Variants in HPCAL1 observed in about 807,000 individuals in gnomAD.
HPCAL1 encodes the protein hippocalcin like 1.
Under a neutral mutation model 17.1 loss-of-function variants are expected in HPCAL1, and 8 were observed. That is an observed-to-expected ratio of 0.47 (90% CI 0.27 to 0.84). The LOEUF (loss-of-function observed/expected upper bound fraction) is 0.84. Among genes scored for constraint, HPCAL1 ranks in the 40% least tolerant of loss-of-function variants. The probability of loss-of-function intolerance (pLI) is 0.13; values close to 1 mark genes in which losing one functional copy is unlikely to be tolerated. For synonymous variants in HPCAL1, 112 were observed against 111.4 expected, an observed-to-expected ratio of 1.01 and a Z score of -0.03; for missense variants, 165 against 271.1, an observed-to-expected ratio of 0.61 and a Z score of 2.75.
intron 1 of HPCAL1, among the ~76,000 whole-genome samples, chr2:10,385,887 G>C (rs575489381): frequency 6.7e-6 from 1 of 149,472 alleles, no homozygotes; most frequent in East Asian, 2.4e-4. Flanking sequence ...CTGATTTGTC[G>C]GCCTCGTGTC....
chr2:10,305,677 A>G (rs181777805), intron 1 of HPCAL1, among the ~76,000 whole-genome samples: 1 of 152,364 alleles, frequency 6.6e-6, no homozygotes, highest in African/African-American at 2.4e-5. Flanking sequence ...AGATTTGCCC[A>G]AACTCCAGCC....
At chr2:10,315,000 G>T (rs543251539) in intron 1 of HPCAL1, among the ~76,000 whole-genome samples, 27 of 152,244 alleles carry the variant, frequency 1.8e-4, no homozygotes, top group Admixed American at 9.8e-4. Flanking sequence ...GCAAGATAAA[G>T]AATTATGCAG....
chr2:10,365,322 C>T lies in HPCAL1; in HGVS notation c.-110-31513C>T, dbSNP rs904128343. On this transcript the variant is annotated intron_variant, in intron 1 of 4. Coordinates refer to ENST00000307845, the MANE Select transcript of HPCAL1 (RefSeq NM_002149.4). The surrounding 1 kb of genome is among the most constrained non-coding windows in gnomAD (Gnocchi z 4.8). ...CTGTGCACCTGCCTCCAGGTGGTGG[C>T]GCGGTAATTGCAAGAGCGTGAGCCC... Among the ~76,000 whole-genome samples the T allele has an allele frequency of 5.9e-5, 9 of 152,130 alleles. No homozygotes were observed. Among genetic ancestry groups the T allele is most frequent in the South Asian group, 4.1e-4 (2 of 4,822 alleles).
At chr2:10,391,602 C>A (rs972554624) in intron 1 of HPCAL1, among the ~76,000 whole-genome samples, 1 of 152,204 alleles carries the variant, frequency 6.6e-6, no homozygotes, top group Non-Finnish European at 1.5e-5. Flanking sequence ...GTACCCTTTA[C>A]CTGCTAGCCC....
At position 10,316,857 on chromosome 2, in the gene HPCAL1, G is replaced by A. The variant is rs182996001; in HGVS notation, c.-111+13680G>A. Among the ~76,000 whole-genome samples the A allele has an allele frequency of 3.7e-4, 57 of 152,212 alleles. No individual in the cohort carries two copies. The East Asian group carries it at 0.011, about 29-fold the overall frequency. ...GTCTACTGTTCATATTTATGGTCTG[G>A]AGAAGAAAATGTAATTTTCAGCAAA... On this transcript the variant is annotated intron_variant, in intron 1 of 4. Transcript: ENST00000307845.
intron 2 of HPCAL1, among the ~76,000 whole-genome samples, chr2:10,399,664 G>A (rs866437681): frequency 5.3e-5 from 8 of 150,818 alleles, no homozygotes; most frequent in East Asian, 1.9e-4. Context: ...ACCATTGGCC[G>A]TGGATGTTGT....
rs996467459 is a variant in HPCAL1 at position 10,302,998 on chromosome 2, T to C, written c.-290T>C. On this transcript the variant is annotated 5_prime_UTR_variant, in exon 1 of 5. Coordinates refer to ENST00000307845, the MANE Select transcript of HPCAL1 (RefSeq NM_002149.4). ...GGCTGCCGGCTTCCTTTTGTCTTTCTGGGCGGCGATGAGCGCAGGGCCGGC... is the reference window on the plus strand; with the variant it reads ...GGCTGCCGGCTTCCTTTTGTCTTTCCGGGCGGCGATGAGCGCAGGGCCGGC... 4.0e-5 allele frequency: 6 copies of C among 151,650 alleles called. No homozygotes were observed. The highest frequency in any genetic ancestry group is 1.2e-4 in the African/African-American group (5 of 41,346). The allele number at this position is 151,650 out of a possible 1,614,324, so 9.4% of individuals were successfully genotyped here. A position where few individuals can be genotyped will look rare whatever the true frequency, so the allele number is the denominator to read the frequency against.
rs144896821 is a variant in HPCAL1, at chr2:10,420,112, A to C, written c.355A>C (p.Ser119Arg). The change falls in exon 3 of 5, where the codon AGC (serine) becomes CGC (arginine). Residue 119 changes from serine to arginine, a missense_variant. Ser to Arg is a moderately radical substitution (Grantham distance 110). Coordinates refer to ENST00000307845, the MANE Select transcript of HPCAL1 (RefSeq NM_002149.4). The part of the protein sequence containing the change: ...DLDGNGYISR[S>R]EMLEIVQAIY... ...GGACGGCAACGGCTACATCAGCCGC[A>C]GCGAGATGCTGGAGATCGTGCAGGT... 3 of 1,611,660 alleles carry C rather than the reference A, an allele frequency of 1.9e-6. No individual in the cohort carries two copies. In the African/African-American group the frequency reaches 4.0e-5, roughly 22 times the overall value.
At chr2:10,336,438 A>G (rs1357390520) in intron 1 of HPCAL1, among the ~76,000 whole-genome samples, 1 of 152,202 alleles carries the variant, frequency 6.6e-6, no homozygotes, top group East Asian at 1.9e-4. Context: ...TTGACATTCC[A>G]TTGTGGAGAT....
rs149173640 is a variant in HPCAL1, at chr2:10,427,219, G to A, written c.*398G>A. 12 of 212,278 alleles carry A rather than the reference G, an allele frequency of 5.7e-5. No individual in the cohort carries two copies. The highest frequency in any genetic ancestry group is 1.3e-4 in the East Asian group (1 of 7,696). 13.1% of individuals were successfully genotyped at this position (212,278 alleles called of 1,614,324 possible). Reference sequence around the variant, plus strand: ...TCTGTGGGAAGGGTGGGGACGAGGCGTCGGGAGGGTATACAGGGAGCCCCT... The same window carrying A: ...TCTGTGGGAAGGGTGGGGACGAGGCATCGGGAGGGTATACAGGGAGCCCCT... On this transcript the variant is annotated 3_prime_UTR_variant, in exon 5 of 5. Coordinates refer to ENST00000307845, the MANE Select transcript of HPCAL1 (RefSeq NM_002149.4).
At position 10,419,820 on chromosome 2, in the gene HPCAL1, G is replaced by A. The variant is rs1218974859; in HGVS notation, c.63G>A (p.Glu21=). 6.2e-7 allele frequency: 1 copy of A among 1,613,744 alleles called. No individual in the cohort carries two copies. The highest frequency in any genetic ancestry group is 8.5e-7 in the Non-Finnish European group (1 of 1,180,010). Residue 21 remains glutamate (E), a synonymous_variant, in exon 3 of 5, where the codon GAG becomes GAA. Coordinates refer to ENST00000307845, the MANE Select transcript of HPCAL1 (RefSeq NM_002149.4). This position sits in a 1 kb window ranked among gnomAD's most constrained non-coding sequence, Gnocchi z 5.0. ...TGCAGGACCTGCGGGAGAACACGGAGTTCACCGACCACGAGCTGCAGGAGT... is the reference window on the plus strand; with the variant it reads ...TGCAGGACCTGCGGGAGAACACGGAATTCACCGACCACGAGCTGCAGGAGT... The part of the protein sequence containing the change: ...EVLQDLRENT[E]FTDHELQEWY...
At chr2:10,383,401 T>C in intron 1 of HPCAL1, among the ~76,000 whole-genome samples, 1 of 151,854 alleles carries the variant, frequency 6.6e-6, no homozygotes, top group Non-Finnish European at 1.5e-5. Context: ...CTTGCTCTGT[T>C]GCCCAGGCTG....
chr2:10,414,021 CT>C (rs1275624379), intron 2 of HPCAL1, among the ~76,000 whole-genome samples: 1 of 152,258 alleles, frequency 6.6e-6, no homozygotes, highest in African/African-American at 2.4e-5. Context: ...CATGCAAGGC[CT>C]GGGGAGGAGG....
intron 1 of HPCAL1, among the ~76,000 whole-genome samples, chr2:10,311,991 C>T (rs1015613375): frequency 1.4e-4 from 21 of 151,816 alleles, no homozygotes; most frequent in Non-Finnish European, 2.9e-4. Flanking sequence ...CCACCACCAT[C>T]ATCACCATCG....
chr2:10,415,082 TG>T (rs34458304), intron 2 of HPCAL1, among the ~76,000 whole-genome samples: 1 of 152,188 alleles, frequency 6.6e-6, no homozygotes, highest in African/African-American at 2.4e-5. Context: ...GTGCAGGGTT[TG>T]GGGGTGCCCC....
At chr2:10,379,889 G>C (rs919829844) in intron 1 of HPCAL1, among the ~76,000 whole-genome samples, 8 of 152,182 alleles carry the variant, frequency 5.3e-5, no homozygotes, top group African/African-American at 1.7e-4. Context: ...TTCTTAGTCT[G>C]TCCATGCTGG....
At chr2:10,332,638 G>T (rs1313676935) in intron 1 of HPCAL1, among the ~76,000 whole-genome samples, 1 of 152,228 alleles carries the variant, frequency 6.6e-6, no homozygotes, top group Non-Finnish European at 1.5e-5. Context: ...TGCAGTCGGG[G>T]TTGACCTTAT....
At chr2:10,402,201 G>A (rs894551966) in intron 2 of HPCAL1, among the ~76,000 whole-genome samples, 3 of 152,178 alleles carry the variant, frequency 2.0e-5, no homozygotes, top group Non-Finnish European at 4.4e-5. Context: ...CACCCGGCCA[G>A]GAACTGAACC....
At chr2:10,382,510 G>A (rs1330437772) in intron 1 of HPCAL1, among the ~76,000 whole-genome samples, 1 of 151,780 alleles carries the variant, frequency 6.6e-6, no homozygotes, top group African/African-American at 2.4e-5. Flanking sequence ...TAGTAGGGAG[G>A]GCAGGAGGTA....
Sources: allele counts gnomAD v4.1 joint callset (sites outside exome capture counted in the v4.1 genomes callset), GRCh38; gene constraint gnomAD v4.1.1; non-coding constraint Gnocchi (gnomAD v3.1); transcripts MANE v1.5; gene names NCBI Gene and HGNC (gene_info 2026-07-23, HGNC 2026-07-21).